The following ETV5 variants were observed in gnomAD, a reference collection of about 807,000 sequenced individuals.
The protein encoded by ETV5 is ETS variant transcription factor 5.
In ETV5, 10 loss-of-function variants were observed where a neutral mutation model predicts 70.0. The observed-to-expected ratio is 0.14, with a 90% CI of 0.09 to 0.24. The LOEUF is 0.24. Among genes scored for constraint, ETV5 ranks in the 10% least tolerant of loss-of-function variants. ETV5 has a pLI of 1.00. For synonymous variants in ETV5, 216 were observed against 242.2 expected (o/e 0.89, Z 1.01); for missense variants, 453 against 651.2 (o/e 0.70, Z 3.31).
At chr3:186,080,241 C>T (rs769612648) in intron 6 of ETV5, 137 bp from the exon 7 acceptor site, 9 of 596,756 alleles carry the variant, frequency 1.5e-5, no homozygotes, top group Non-Finnish European at 2.1e-5. Flanking sequence ...TCGCTCGTAG[C>T]CCCGAGGGGA....
At chr3:186,087,653 G>T (rs943510462) in intron 5 of ETV5, among the ~76,000 whole-genome samples, 3 of 152,132 alleles carry the variant, frequency 2.0e-5, no homozygotes, top group Admixed American at 6.5e-5. Flanking sequence ...CCATTCAAGA[G>T]AAATAATAAT....
At chr3:186,079,194 G>T in intron 7 of ETV5, 1 of 645,646 alleles carries the variant, frequency 1.5e-6, no homozygotes, top group Non-Finnish European at 2.0e-6. Flanking sequence ...GGTTTGGAGT[G>T]TGCAGAGAAG....
chr3:186,103,250 A>G (rs1229901970), intron 5 of ETV5, among the ~76,000 whole-genome samples: 1 of 152,236 alleles, frequency 6.6e-6, no homozygotes. Context: ...TAAAGAACTT[A>G]GCACATTCTA....
intron 7 of ETV5, chr3:186,079,009 C>T: frequency 9.5e-7 from 1 of 1,051,610 alleles, no homozygotes. Context: ...CCACCTAACA[C>T]AAGATAGATA....
At chr3:186,053,480 C>T (rs1048492444) in intron 11 of ETV5, among the ~76,000 whole-genome samples, 1 of 152,186 alleles carries the variant, frequency 6.6e-6, no homozygotes, top group African/African-American at 2.4e-5. Context: ...AAACCTTTTC[C>T]TTAAAATATC....
At chr3:186,095,966 A>C (rs528345798) in intron 5 of ETV5, among the ~76,000 whole-genome samples, 2 of 152,334 alleles carry the variant, frequency 1.3e-5, no homozygotes, top group Admixed American at 6.5e-5. Context: ...GCGGGACATA[A>C]ACACGTGACA....
Position 186,048,087 on chromosome 3 carries a change from G to GC in ETV5, c.*551dup, listed in dbSNP as rs1294463602. ...GGAGTGGGGAACAGCTGTTCTGACT[G>GC]CCCCCCTTTTTCTAGACAAGGGGTA... On this transcript the variant is annotated 3_prime_UTR_variant, in exon 13 of 13. Coordinates refer to ENST00000306376, the MANE Select transcript of ETV5 (RefSeq NM_004454.3). 4.3e-6 allele frequency: 1 copy of GC among 233,956 alleles called. No homozygotes were observed. The highest frequency in any genetic ancestry group is 8.4e-6 in the Non-Finnish European group (1 of 118,488). 14.5% of individuals were successfully genotyped at this position (233,956 alleles called of 1,614,324 possible).
rs1043310578 is a variant in ETV5, at chr3:186,105,542, T to C, written c.134-46A>G. 15 of 1,612,476 alleles carry C rather than the reference T, an allele frequency of 9.3e-6. No individual in the cohort carries two copies. The African/African-American group carries it at 1.1e-4, about 12-fold the overall frequency. ...CCCAGAATGAGGATATTTCTTTCGC[T>C]AGGGAGAAGACAGGGAAGAATCTAC... On this transcript the variant is annotated intron_variant, in intron 3 of 12. Transcript: ENST00000306376. The surrounding 1 kb of genome is among the most constrained non-coding windows in gnomAD (Gnocchi z 4.5).
intron 5 of ETV5, among the ~76,000 whole-genome samples, chr3:186,087,988 A>G (rs1012595617): frequency 2.0e-5 from 3 of 152,198 alleles, no homozygotes; most frequent in African/African-American, 4.8e-5. Context: ...GAAATTGCCA[A>G]TTAGTTACCC....
At chr3:186,082,602 G>A (rs1578553353) in intron 5 of ETV5, among the ~76,000 whole-genome samples, 1 of 152,052 alleles carries the variant, frequency 6.6e-6, no homozygotes, top group Middle Eastern at 3.2e-3. Flanking sequence ...TGTATTTTTA[G>A]TAAAGACAGG....
chr3:186,091,337 G>C (rs903607665), intron 5 of ETV5, among the ~76,000 whole-genome samples: 1 of 152,138 alleles, frequency 6.6e-6, no homozygotes, highest in African/African-American at 2.4e-5. Context: ...GATGACTCTG[G>C]GGTATTTTTG....
At chr3:186,076,046 A>G (rs1400443938) in intron 7 of ETV5, among the ~76,000 whole-genome samples, 1 of 152,202 alleles carries the variant, frequency 6.6e-6, no homozygotes, top group African/African-American at 2.4e-5. Context: ...TAAATAACAC[A>G]ATGAGAAAAC....
intron 5 of ETV5, among the ~76,000 whole-genome samples, chr3:186,088,763 C>G (rs1714116291): frequency 6.6e-6 from 1 of 152,166 alleles, no homozygotes; most frequent in African/African-American, 2.4e-5. Flanking sequence ...CTTAACTTGT[C>G]TGAGTACTCC....
chr3:186,108,472 C>T (rs939310730), intron 1 of ETV5: 3 of 1,267,654 alleles, frequency 2.4e-6, no homozygotes, highest in African/African-American at 3.1e-5. Context: ...TCATTTACCC[C>T]CTCCCGGTGC....
At chr3:186,084,639 G>A (rs1379182693) in intron 5 of ETV5, among the ~76,000 whole-genome samples, 1 of 152,118 alleles carries the variant, frequency 6.6e-6, no homozygotes, top group African/African-American at 2.4e-5. Context: ...ATAGATTAGG[G>A]CCTCAGTATG....
chr3:186,085,507 GTTTTTTTTTT>G (rs550203729), intron 5 of ETV5, among the ~76,000 whole-genome samples: 1 of 124,878 alleles, frequency 8.0e-6, no homozygotes, highest in East Asian at 2.5e-4. Flanking sequence ...AGTAGCCTTC[GTTTTTTTTTT>G]TTTTTTTTGA....
intron 5 of ETV5, among the ~76,000 whole-genome samples, chr3:186,081,893 C>A (rs1395379926): frequency 6.6e-6 from 1 of 152,204 alleles, no homozygotes; most frequent in Non-Finnish European, 1.5e-5. Context: ...TTTGCGTAAC[C>A]AGTCCTTTCA....
chr3:186,102,636 CAAAAAA>C (rs35154225), intron 5 of ETV5, among the ~76,000 whole-genome samples: 3 of 91,840 alleles, frequency 3.3e-5, no homozygotes, highest in Admixed American at 1.2e-4. Context: ...ACTCTCTCTC[CAAAAAA>C]AAAAAAAAAA....
At position 186,047,951 on chromosome 3, in the gene ETV5, C is replaced by T. The variant is rs935122981; in HGVS notation, c.*688G>A. ...ATCGCCCTTCTCCTAAAATAAAAGT[C>T]ATCCACACTCAGCCACGTGATTGGG... On this transcript the variant is annotated 3_prime_UTR_variant, in exon 13 of 13. Coordinates refer to ENST00000306376, the MANE Select transcript of ETV5 (RefSeq NM_004454.3). The T allele has an allele frequency of 1.1e-4, 26 of 233,382 alleles. No homozygotes were observed. Among genetic ancestry groups the T allele is most frequent in the African/African-American group, 5.7e-4 (26 of 45,328 alleles). 14.5% of individuals were successfully genotyped at this position (233,382 alleles called of 1,614,324 possible).
Sources: allele counts gnomAD v4.1 joint callset (sites outside exome capture counted in the v4.1 genomes callset), GRCh38; gene constraint gnomAD v4.1.1; non-coding constraint Gnocchi (gnomAD v3.1); transcripts MANE v1.5; gene names NCBI Gene and HGNC (gene_info 2026-07-23, HGNC 2026-07-21).